The following PDE4B variants were observed in gnomAD, a reference collection of about 807,000 sequenced individuals.
The protein encoded by PDE4B is phosphodiesterase 4B.
In PDE4B, 20 loss-of-function variants were observed where a neutral mutation model predicts 82.2. The observed-to-expected ratio is 0.24, with a 90% CI of 0.17 to 0.35. The LOEUF is 0.35. Ranked by LOEUF, PDE4B falls within the 10% of genes least tolerant of loss-of-function variation. The pLI, the probability that PDE4B is intolerant of heterozygous loss-of-function variation, is 1.00. For missense variants in PDE4B, 655 were observed against 907.2 expected, an observed-to-expected ratio of 0.72 and a Z score of 3.57; for synonymous variants, 320 against 318.9, an observed-to-expected ratio of 1.00 and a Z score of -0.04.
intron 8 of PDE4B, among the ~76,000 whole-genome samples, chr1:66,350,740 G>A (rs754678606): frequency 6.6e-6 from 1 of 152,008 alleles, no homozygotes; most frequent in Non-Finnish European, 1.5e-5. Context: ...TCTTGCCTGC[G>A]GATCTTTGCA....
chr1:65,845,932 T>A (rs1260015635), intron 1 of PDE4B, among the ~76,000 whole-genome samples: 1 of 152,190 alleles, frequency 6.6e-6, no homozygotes, highest in African/African-American at 2.4e-5. Flanking sequence ...AATTACCATC[T>A]TGTTCTTCAA....
intron 3 of PDE4B, among the ~76,000 whole-genome samples, chr1:66,128,756 C>T (rs752709404): frequency 2.6e-5 from 4 of 152,118 alleles, no homozygotes; most frequent in African/African-American, 9.7e-5. Context: ...AGGGAGGTCT[C>T]ACAATCATGG....
chr1:66,165,038 G>A (rs1348827262), intron 3 of PDE4B, among the ~76,000 whole-genome samples: 2 of 152,072 alleles, frequency 1.3e-5, no homozygotes, highest in Non-Finnish European at 2.9e-5. Flanking sequence ...TGGGATTACA[G>A]GGGTAAGCCA....
chr1:66,111,074 C>A (rs899413294), intron 3 of PDE4B, among the ~76,000 whole-genome samples: 1 of 151,982 alleles, frequency 6.6e-6, no homozygotes, highest in Non-Finnish European at 1.5e-5. Flanking sequence ...GCAAGATTAT[C>A]AAATTATTTA....
intron 1 of PDE4B, among the ~76,000 whole-genome samples, chr1:65,843,710 T>C (rs1008026646): frequency 6.6e-6 from 1 of 152,168 alleles, no homozygotes; most frequent in African/African-American, 2.4e-5. Flanking sequence ...TTATCTTACA[T>C]TTGCAAATAA....
At chr1:66,078,829 G>A (rs1354988119) in intron 3 of PDE4B, among the ~76,000 whole-genome samples, 3 of 152,074 alleles carry the variant, frequency 2.0e-5, no homozygotes, top group African/African-American at 7.2e-5. Flanking sequence ...GTTCTAGCAG[G>A]TGGGAAGAAC....
intron 3 of PDE4B, among the ~76,000 whole-genome samples, chr1:66,040,163 T>C (rs1654291328): frequency 6.6e-6 from 1 of 152,078 alleles, no homozygotes; most frequent in African/African-American, 2.4e-5. Flanking sequence ...AGGACGACTA[T>C]TGTATTGGCA....
At chr1:66,299,878 T>C (rs952399252) in intron 7 of PDE4B, among the ~76,000 whole-genome samples, 1 of 152,186 alleles carries the variant, frequency 6.6e-6, no homozygotes, top group Non-Finnish European at 1.5e-5. Flanking sequence ...TTGAATTTTA[T>C]CAAATGCTTT....
intron 3 of PDE4B, among the ~76,000 whole-genome samples, chr1:66,046,828 T>G (rs1174033572): frequency 6.6e-6 from 1 of 151,864 alleles, no homozygotes; most frequent in Non-Finnish European, 1.5e-5. Flanking sequence ...TTTTAGTGCC[T>G]TCCTGAATAG....
intron 9 of PDE4B, among the ~76,000 whole-genome samples, chr1:66,358,914 G>C (rs1381010216): frequency 6.6e-6 from 1 of 152,074 alleles, no homozygotes; most frequent in African/African-American, 2.4e-5. Context: ...AAAAAAAGTG[G>C]TGCAGGAGGA....
intron 3 of PDE4B, among the ~76,000 whole-genome samples, chr1:66,102,213 T>C (rs1645239792): frequency 6.6e-6 from 1 of 151,974 alleles, no homozygotes; most frequent in Non-Finnish European, 1.5e-5. Flanking sequence ...CTAAGATCTT[T>C]TAGAGTTTTT....
intron 3 of PDE4B, among the ~76,000 whole-genome samples, chr1:65,934,766 C>G (rs1368941159): frequency 6.6e-6 from 1 of 151,996 alleles, no homozygotes; most frequent in African/African-American, 2.4e-5. Context: ...AAAATTAGCA[C>G]AAGATACAAG....
At chr1:65,806,433 A>G (rs147244672) in intron 1 of PDE4B, among the ~76,000 whole-genome samples, 291 of 152,352 alleles carry the variant, frequency 1.9e-3, no homozygotes, top group African/African-American at 6.7e-3. Flanking sequence ...ACACTTAAAT[A>G]TAAAATATAT....
chr1:66,226,292 G>A (rs1051653788), intron 3 of PDE4B, among the ~76,000 whole-genome samples: 7 of 90,420 alleles, frequency 7.7e-5, no homozygotes, highest in Non-Finnish European at 1.9e-4. Context: ...AGATATTGCA[G>A]GAACAAGATA....
chr1:66,367,080 G>C (rs964743638), intron 13 of PDE4B, among the ~76,000 whole-genome samples: 6 of 152,184 alleles, frequency 3.9e-5, no homozygotes, highest in Non-Finnish European at 7.4e-5. Context: ...TAGGTTTCCA[G>C]ATATTGCAAT....
chr1:66,363,317 A>AT (rs144133808), intron 11 of PDE4B, 51 bp downstream of exon 11: 3,340 of 1,450,520 alleles, frequency 2.3e-3, no homozygotes, highest in Non-Finnish European at 2.7e-3. Flanking sequence ...GCTCTTTATG[A>AT]TTTTTTTTTT....
At chr1:65,896,278 G>C (rs772510990) in intron 1 of PDE4B, among the ~76,000 whole-genome samples, 27 of 152,122 alleles carry the variant, frequency 1.8e-4, no homozygotes, top group Non-Finnish European at 3.7e-4. Context: ...ATGGCAGCAG[G>C]CAAGAGAGCT....
intron 7 of PDE4B, among the ~76,000 whole-genome samples, chr1:66,325,279 A>C (rs1659666190): frequency 6.6e-6 from 1 of 152,238 alleles, no homozygotes; most frequent in African/African-American, 2.4e-5. Flanking sequence ...CTCATTTACA[A>C]AGATCAGAAG....
rs148874705 is a variant in PDE4B, at chr1:66,024,647, A to C, written c.281+105812A>C. The stretch of plus-strand genomic sequence containing the variant: ...CCCTACAAATGATAACTTGATAAAC[A>C]TGGATATAATACTGTCTTCTATGAG... On this transcript the variant is annotated intron_variant, in intron 3 of 16. Coordinates refer to ENST00000341517, the MANE Select transcript of PDE4B (RefSeq NM_002600.4). Among the ~76,000 whole-genome samples, 323 of 152,292 alleles carry C rather than the reference A, an allele frequency of 2.1e-3. 3 individuals are homozygous for C. The highest frequency in any genetic ancestry group is 7.2e-3 in the African/African-American group (299 of 41,578).
Sources: gnomAD v4.1 joint callset for allele counts (sites outside exome capture counted in the v4.1 genomes callset) on GRCh38, gnomAD v4.1.1 for gene constraint, MANE v1.5 for transcripts, NCBI Gene and HGNC (gene_info 2026-07-23, HGNC 2026-07-21) for gene names.